Variants in DRC4 observed in about 807,000 individuals in gnomAD.
The protein encoded by DRC4 is dynein regulatory complex subunit 4, also known as GAS-11.
the DRC4 span, chr16:90,037,950 G>A: frequency 9.9e-7 from 1 of 1,014,588 alleles, no homozygotes; most frequent in Non-Finnish European, 1.6e-6. Flanking sequence ...CCTGCAGTGG[G>A]GATGGCACCC....
the DRC4 span, chr16:90,037,167 T>G: frequency 6.7e-7 from 1 of 1,489,448 alleles, no homozygotes; most frequent in African/African-American, 1.4e-5. Flanking sequence ...GCTCTCACCA[T>G]GCAGGCCACA....
At chr16:90,020,570 T>C in the DRC4 span, among the ~76,000 whole-genome samples, 1 of 152,222 alleles carries the variant, frequency 6.6e-6, no homozygotes. Flanking sequence ...TGAAAGTATC[T>C]TAAGCCACAT....
chr16:90,024,931 A>T, the DRC4 span, among the ~76,000 whole-genome samples: 22 of 152,178 alleles, frequency 1.4e-4, no homozygotes. Context: ...GGTCTGTTGG[A>T]TCCTTGGACC....
At chr16:90,025,362 G>A in the DRC4 span, among the ~76,000 whole-genome samples, 1 of 150,666 alleles carries the variant, frequency 6.6e-6, no homozygotes, top group Non-Finnish European at 1.5e-5. Flanking sequence ...CATAAATGAA[G>A]ATAAATGGGC....
At chr16:90,031,443 A>T in the DRC4 span, 1 of 1,606,832 alleles carries the variant, frequency 6.2e-7, no homozygotes, top group Non-Finnish European at 8.5e-7. Context: ...TGAGCTGCGG[A>T]ACAAAGACCG....
At chr16:90,020,102 C>T in the DRC4 span, 4 of 618,456 alleles carry the variant, frequency 6.5e-6, no homozygotes, top group South Asian at 1.8e-5. Flanking sequence ...ATTCACTTCC[C>T]TCCACTGCTG....
At chr16:90,041,721 C>G in the DRC4 span, among the ~76,000 whole-genome samples, 1 of 152,022 alleles carries the variant, frequency 6.6e-6, no homozygotes, top group Admixed American at 6.5e-5. Context: ...ATTCCTGGCA[C>G]CTGGGAGGCG....
At chr16:90,030,688 C>G in the DRC4 span, among the ~76,000 whole-genome samples, 1 of 152,118 alleles carries the variant, frequency 6.6e-6, no homozygotes, top group African/African-American at 2.4e-5. Flanking sequence ...ATGATCATAA[C>G]TAACCGCAGC....
chr16:90,019,972 G>A, the DRC4 span: 2 of 698,262 alleles, frequency 2.9e-6, no homozygotes, highest in Admixed American at 2.0e-5. This position sits in a 1 kb window ranked among gnomAD's most constrained non-coding sequence, Gnocchi z 6.1. Flanking sequence ...TAAGGAGAGG[G>A]CGGCGGGCCC....
the DRC4 span, chr16:90,035,817 A>G: frequency 2.2e-5 from 35 of 1,582,616 alleles, no homozygotes; most frequent in South Asian, 3.3e-4. Flanking sequence ...ATGCAAGAGA[A>G]AGAACATGGA....
At chr16:90,032,599 G>C in the DRC4 span, 1 of 852,200 alleles carries the variant, frequency 1.2e-6, no homozygotes, top group African/African-American at 1.7e-5. Flanking sequence ...GGTGTGTACA[G>C]GTATGGACAG....
At chr16:90,040,741 A>C in the DRC4 span, among the ~76,000 whole-genome samples, 1 of 89,102 alleles carries the variant, frequency 1.1e-5, no homozygotes, top group African/African-American at 3.5e-5. Flanking sequence ...ACAGGGCTGG[A>C]GGGGGCTGGT....
the DRC4 span, chr16:90,040,498 C>T: frequency 1.3e-4 from 215 of 1,600,904 alleles, 1 homozygote; most frequent in African/African-American, 2.0e-3. Context: ...GCTGGTGTCC[C>T]GCAAGCTGGA....
the DRC4 span, among the ~76,000 whole-genome samples, chr16:90,021,485 C>G: frequency 6.6e-6 from 1 of 151,332 alleles, no homozygotes; most frequent in Non-Finnish European, 1.5e-5. Flanking sequence ...GTGGTGTGAT[C>G]TTGGCTCACT....
the DRC4 span, chr16:90,032,951 C>A: frequency 6.3e-7 from 1 of 1,599,078 alleles, no homozygotes; most frequent in Non-Finnish European, 8.5e-7. Context: ...CACCTGGAGG[C>A]TGACAGGTTG....
chr16:90,029,417 A>C, the DRC4 span: 1 of 886,228 alleles, frequency 1.1e-6, no homozygotes, highest in Non-Finnish European at 1.6e-6. Context: ...AGAAGCTGGA[A>C]ATCTGGATAT....
the DRC4 span, chr16:90,042,517 G>A: frequency 1.2e-6 from 2 of 1,613,790 alleles, no homozygotes; most frequent in Non-Finnish European, 1.7e-6. Flanking sequence ...TGCAGTATGA[G>A]CTGGCCCAGG....
the DRC4 span, chr16:90,029,046 C>G: frequency 8.0e-7 from 1 of 1,246,368 alleles, no homozygotes; most frequent in Non-Finnish European, 1.0e-6. Flanking sequence ...GGATTGAACA[C>G]TGCGTTGTCC....
chr16:90,039,223 C>T, the DRC4 span, among the ~76,000 whole-genome samples: 27 of 152,254 alleles, frequency 1.8e-4, no homozygotes, highest in Admixed American at 2.6e-4. Flanking sequence ...ACAGCAGAGA[C>T]GTGCCTGGGT....
Sources: gnomAD v4.1 joint callset for allele counts (sites outside exome capture counted in the v4.1 genomes callset) on GRCh38, gnomAD v4.1.1 for gene constraint, Gnocchi (gnomAD v3.1) non-coding constraint, MANE v1.5 for transcripts, NCBI Gene and HGNC (gene_info 2026-07-23, HGNC 2026-07-21) for gene names.